Variants in LRFN5 observed in about 807,000 individuals in gnomAD.
LRFN5 encodes the protein leucine rich repeat and fibronectin type III domain containing 5, also known as leucine-rich repeat and fibronectin type-III domain-containing protein 5.
A neutral mutation model predicts 45.6 loss-of-function variants in LRFN5; 24 were observed. That is an observed-to-expected ratio of 0.53 (90% CI 0.38 to 0.74). The LOEUF (loss-of-function observed/expected upper bound fraction) is 0.74. Among genes scored for constraint, LRFN5 ranks in the 30% least tolerant of loss-of-function variants. The pLI, the probability that LRFN5 is intolerant of heterozygous loss-of-function variation, is 0.00. For synonymous variants in LRFN5, 340 were observed against 313.8 expected (o/e 1.08, Z -0.88); for missense variants, 776 against 861.5 (o/e 0.90, Z 1.24).
intron 2 of LRFN5, among the ~76,000 whole-genome samples, chr14:41,869,288 G>A (rs1174745354): frequency 6.6e-6 from 1 of 152,194 alleles, no homozygotes; most frequent in Non-Finnish European, 1.5e-5. Flanking sequence ...AACACCACAG[G>A]TCTGTTAGGA....
At chr14:41,623,023 G>A (rs116888688) in intron 1 of LRFN5, among the ~76,000 whole-genome samples, 1,891 of 152,130 alleles carry the variant, frequency 0.012, 21 homozygotes, top group Non-Finnish European at 0.019. Flanking sequence ...ACAGTTAGAG[G>A]AAGGAAATAA....
intron 2 of LRFN5, among the ~76,000 whole-genome samples, chr14:41,844,314 G>C (rs1460121505): frequency 6.6e-6 from 1 of 151,762 alleles, no homozygotes; most frequent in African/African-American, 2.4e-5. Flanking sequence ...GTGGGCACCT[G>C]TAGTCCCAGC....
chr14:41,661,204 G>A (rs746142117), intron 1 of LRFN5, among the ~76,000 whole-genome samples: 2 of 151,568 alleles, frequency 1.3e-5, no homozygotes, highest in Non-Finnish European at 2.9e-5. Flanking sequence ...TCATCTTATT[G>A]AAATATTTAT....
intron 1 of LRFN5, among the ~76,000 whole-genome samples, chr14:41,734,766 T>A (rs73311032): frequency 0.045 from 6,862 of 152,150 alleles, 339 homozygotes; most frequent in African/African-American, 0.12. Context: ...CTGCATTTTG[T>A]TGAATTTCTG....
chr14:41,673,798 G>A (rs1339169623), intron 1 of LRFN5, among the ~76,000 whole-genome samples: 1 of 145,502 alleles, frequency 6.9e-6, no homozygotes. Flanking sequence ...CGGGCGGGGG[G>A]TGACCCCCCC....
intron 1 of LRFN5, among the ~76,000 whole-genome samples, chr14:41,656,057 G>A (rs1880364630): frequency 1.3e-5 from 2 of 151,914 alleles, no homozygotes; most frequent in African/African-American, 4.8e-5. Flanking sequence ...TCCTTTCAGT[G>A]GTAACCATCT....
chr14:41,783,189 G>A (rs1342937341), intron 2 of LRFN5, among the ~76,000 whole-genome samples: 4 of 152,066 alleles, frequency 2.6e-5, no homozygotes, highest in East Asian at 1.9e-4. Context: ...CAATCAGATC[G>A]GTGGGTTTAT....
At chr14:41,749,394 T>C (rs1164323201) in intron 1 of LRFN5, among the ~76,000 whole-genome samples, 1 of 152,158 alleles carries the variant, frequency 6.6e-6, no homozygotes, top group African/African-American at 2.4e-5. Context: ...GTCATAGACA[T>C]TGAATTAACA....
chr14:41,747,737 A>G (rs1161082300), intron 1 of LRFN5, among the ~76,000 whole-genome samples: 1 of 152,026 alleles, frequency 6.6e-6, no homozygotes, highest in African/African-American at 2.4e-5. Flanking sequence ...AACCCACAGA[A>G]TGGGAGAAAG....
intron 2 of LRFN5, among the ~76,000 whole-genome samples, chr14:41,813,214 C>A (rs901749384): frequency 6.6e-6 from 1 of 151,950 alleles, no homozygotes; most frequent in Admixed American, 6.6e-5. Flanking sequence ...CTTTTTATTA[C>A]AGTTTAAGTT....
chr14:41,695,656 A>T (rs563765284), intron 1 of LRFN5, among the ~76,000 whole-genome samples: 8 of 152,092 alleles, frequency 5.3e-5, no homozygotes, highest in African/African-American at 1.4e-4. Context: ...AGCCTGGATT[A>T]TATCACATTT....
chr14:41,810,430 C>T (rs969741178), intron 2 of LRFN5, among the ~76,000 whole-genome samples: 1 of 151,966 alleles, frequency 6.6e-6, no homozygotes, highest in Admixed American at 6.6e-5. Context: ...GTTCTAAAAG[C>T]CTTGCTAGTA....
intron 1 of LRFN5, among the ~76,000 whole-genome samples, chr14:41,610,374 G>A (rs1887698178): frequency 6.6e-6 from 1 of 152,168 alleles, no homozygotes. Flanking sequence ...GAAGCTAAGT[G>A]TGTATTTCCT....
chr14:41,827,062 C>T (rs1888324280), intron 2 of LRFN5, among the ~76,000 whole-genome samples: 1 of 151,866 alleles, frequency 6.6e-6, no homozygotes. Flanking sequence ...TTAACCTTAC[C>T]TAATTCAAAA....
chr14:41,882,154 C>T (rs757675514), intron 2 of LRFN5, among the ~76,000 whole-genome samples: 1 of 152,140 alleles, frequency 6.6e-6, no homozygotes, highest in Non-Finnish European at 1.5e-5. Context: ...GGAGGTCTCA[C>T]CACCCTGCTT....
At chr14:41,872,725 A>G (rs1323864151) in intron 2 of LRFN5, among the ~76,000 whole-genome samples, 1 of 152,190 alleles carries the variant, frequency 6.6e-6, no homozygotes, top group Non-Finnish European at 1.5e-5. Context: ...GAAGTTCTCA[A>G]CATTTTCGCT....
intron 1 of LRFN5, among the ~76,000 whole-genome samples, chr14:41,696,755 A>G (rs1882630954): frequency 6.6e-6 from 1 of 151,838 alleles, no homozygotes; most frequent in African/African-American, 2.4e-5. Flanking sequence ...TTTTGAGAAA[A>G]GCCATTCTAA....
In LRFN5 at chr14:41,859,112, A is replaced by C. The variant is rs547334075; in HGVS notation, c.-20-27494A>C. 2.0e-5 allele frequency among the ~76,000 whole-genome samples: 3 copies of C among 152,276 alleles called. No homozygotes were observed. In the South Asian group the frequency reaches 6.2e-4, roughly 32 times the overall value. On this transcript the variant is annotated intron_variant, in intron 2 of 5. Transcript: ENST00000298119. ...GAATTTCTATGGTGAAATTATTCTC[A>C]CCAGGGCCAACTTCAAGCTACCTTT...
chr14:41,660,158 T>C (rs1880578611), intron 1 of LRFN5, among the ~76,000 whole-genome samples: 1 of 152,098 alleles, frequency 6.6e-6, no homozygotes, highest in Non-Finnish European at 1.5e-5. Context: ...CCTGAGTAGC[T>C]GAGATTACAG....
Sources: gnomAD v4.1 joint callset for allele counts (sites outside exome capture counted in the v4.1 genomes callset) on GRCh38, gnomAD v4.1.1 for gene constraint, MANE v1.5 for transcripts, NCBI Gene and HGNC (gene_info 2026-07-23, HGNC 2026-07-21) for gene names.